Variants in ITPR1 observed in about 807,000 individuals in gnomAD.
The protein encoded by ITPR1 is inositol 1,4,5-trisphosphate receptor type 1.
ITPR1 carries 96 observed loss-of-function variants against 318.4 expected under a neutral mutation model. The ratio of observed to expected loss-of-function variants is 0.30; its 90% CI spans 0.26 to 0.36. The LOEUF (loss-of-function observed/expected upper bound fraction) is 0.36, where lower values mean the gene tolerates loss of function less well. Ranked by LOEUF, ITPR1 falls within the 10% of genes least tolerant of loss-of-function variation. The probability of loss-of-function intolerance (pLI) is 1.00; values close to 1 mark genes in which losing one functional copy is unlikely to be tolerated. For missense variants in ITPR1, 2,440 were observed against 3,460.2 expected, an observed-to-expected ratio of 0.71 and a Z score of 7.40; for synonymous variants, 1,312 against 1,289.9, an observed-to-expected ratio of 1.02 and a Z score of -0.37.
intron 61 of ITPR1, among the ~76,000 whole-genome samples, chr3:4,840,901 T>C (rs9842419): frequency 0.066 from 10,096 of 152,288 alleles, 1,028 homozygotes; most frequent in African/African-American, 0.22. Context: ...ACTGGCTTCC[T>C]ATAGGACAGC....
At chr3:4,696,917 G>C (rs1252171849) in intron 33 of ITPR1, among the ~76,000 whole-genome samples, 2 of 151,830 alleles carry the variant, frequency 1.3e-5, no homozygotes, top group Non-Finnish European at 2.9e-5. Context: ...GTGGTCAGAG[G>C]TTTTGCCTCA....
chr3:4,706,813 T>C (rs1171162994), intron 37 of ITPR1, among the ~76,000 whole-genome samples: 1 of 152,232 alleles, frequency 6.6e-6, no homozygotes, highest in Admixed American at 6.5e-5. Flanking sequence ...TTTACCTTTT[T>C]TCGTAGAATC....
At chr3:4,557,006 A>G (rs1335502534) in intron 4 of ITPR1, among the ~76,000 whole-genome samples, 1 of 152,202 alleles carries the variant, frequency 6.6e-6, no homozygotes, top group Non-Finnish European at 1.5e-5. Context: ...AACTCTTTAC[A>G]GAAAGGACAA....
intron 23 of ITPR1, among the ~76,000 whole-genome samples, chr3:4,675,935 G>A (rs1026350274): frequency 6.6e-6 from 1 of 152,146 alleles, no homozygotes; most frequent in African/African-American, 2.4e-5. Flanking sequence ...TAGATGAGGA[G>A]ACTGAGGCTT....
intron 44 of ITPR1, among the ~76,000 whole-genome samples, chr3:4,742,840 T>C (rs1332826496): frequency 6.6e-6 from 1 of 152,232 alleles, no homozygotes; most frequent in Non-Finnish European, 1.5e-5. Flanking sequence ...CTACTTCTGA[T>C]ATTTTCTATT....
intron 44 of ITPR1, among the ~76,000 whole-genome samples, chr3:4,757,510 C>A (rs967837068): frequency 6.6e-6 from 1 of 152,098 alleles, no homozygotes; most frequent in Admixed American, 6.5e-5. Context: ...AAAAGGTGTT[C>A]AGAACAGGAC....
At chr3:4,633,595 A>C (rs984376577) in intron 5 of ITPR1, among the ~76,000 whole-genome samples, 2 of 152,190 alleles carry the variant, frequency 1.3e-5, no homozygotes, top group African/African-American at 4.8e-5. Context: ...GTGGCTGGAT[A>C]CTGTCTATGC....
chr3:4,707,771 A>G (rs1472441181), intron 37 of ITPR1, among the ~76,000 whole-genome samples: 1 of 152,112 alleles, frequency 6.6e-6, no homozygotes, highest in Non-Finnish European at 1.5e-5. Flanking sequence ...TATTATTATT[A>G]TTACTATTAT....
rs2094121947 is a variant in ITPR1, at chr3:4,673,232, C to G, written c.2301C>G (p.Arg767=). 1 of 1,614,018 alleles carries G rather than the reference C, an allele frequency of 6.2e-7. No individual in the cohort carries two copies. Among genetic ancestry groups the G allele is most frequent in the Non-Finnish European group, 8.5e-7 (1 of 1,179,890 alleles). ...SGQLDVDLIL[R]CMSDENLPYD... is the part of the protein sequence containing the mutation. The stretch of plus-strand genomic sequence containing the variant: ...AGCTGGATGTCGATCTCATTCTCCG[C>G]TGCATGTCTGACGAGAACCTGCCCT... The change falls in exon 21 of 62, where the codon CGC becomes CGG. Residue 767 remains arginine (R), a synonymous_variant. Coordinates refer to ENST00000649015, the MANE Select transcript of ITPR1 (RefSeq NM_001378452.1).
intron 5 of ITPR1, among the ~76,000 whole-genome samples, chr3:4,639,035 C>T (rs1334266328): frequency 6.6e-6 from 1 of 152,154 alleles, no homozygotes; most frequent in African/African-American, 2.4e-5. Context: ...TTAAAGAGGA[C>T]TTTCACAGAT....
At chr3:4,572,995 G>A (rs962647113) in intron 4 of ITPR1, among the ~76,000 whole-genome samples, 20 of 152,132 alleles carry the variant, frequency 1.3e-4, no homozygotes, top group African/African-American at 4.6e-4. Flanking sequence ...CATTTATCAC[G>A]GGGCATCTGG....
Position 4,520,826 on chromosome 3 carries a change from T to C in ITPR1, c.93-198T>C, listed in dbSNP as rs1184458383. 5.3e-5 allele frequency among the ~76,000 whole-genome samples: 8 copies of C among 152,216 alleles called. No homozygotes were observed. The East Asian group carries it at 1.3e-3, about 26-fold the overall frequency. On this transcript the variant is annotated intron_variant, in intron 3 of 61. Transcript: ENST00000649015. ...AGAAAACAGTAGCCTTAATGTGTCC[T>C]TCACAGAACAGAACCCTGGGCTTTT...
At chr3:4,702,111 A>C (rs1011390755) in intron 35 of ITPR1, among the ~76,000 whole-genome samples, 1 of 139,888 alleles carries the variant, frequency 7.1e-6, no homozygotes, top group Non-Finnish European at 1.6e-5. Context: ...CAAAACTATA[A>C]TTTTTTAATG....
chr3:4,652,520 C>A (rs370860376), intron 11 of ITPR1, among the ~76,000 whole-genome samples: 1 of 152,146 alleles, frequency 6.6e-6, no homozygotes, highest in Non-Finnish European at 1.5e-5. Flanking sequence ...ACCCTCCCCA[C>A]GTCTTGTCTA....
At chr3:4,721,464 T>C (rs1418063352) in intron 40 of ITPR1, among the ~76,000 whole-genome samples, 1 of 152,140 alleles carries the variant, frequency 6.6e-6, no homozygotes, top group Non-Finnish European at 1.5e-5. Context: ...CTATTTTAGC[T>C]CAATTTTCTT....
At chr3:4,585,092 G>A (rs1028021417) in intron 4 of ITPR1, among the ~76,000 whole-genome samples, 1 of 152,158 alleles carries the variant, frequency 6.6e-6, no homozygotes, top group African/African-American at 2.4e-5. Context: ...TTCCCTGCCC[G>A]GGCAGTTGTG....
intron 4 of ITPR1, among the ~76,000 whole-genome samples, chr3:4,557,151 T>A (rs910141539): frequency 4.6e-5 from 7 of 152,164 alleles, no homozygotes; most frequent in African/African-American, 1.7e-4. Context: ...TACCCGAGAC[T>A]GGGTAATTTA....
At chr3:4,709,193 T>G (rs2094820016) in intron 37 of ITPR1, among the ~76,000 whole-genome samples, 1 of 152,196 alleles carries the variant, frequency 6.6e-6, no homozygotes, top group Non-Finnish European at 1.5e-5. Flanking sequence ...AAATGACCCT[T>G]TTTTGACTGT....
intron 40 of ITPR1, among the ~76,000 whole-genome samples, chr3:4,721,813 C>G (rs139954270): frequency 6.6e-6 from 1 of 152,138 alleles, no homozygotes; most frequent in Admixed American, 6.5e-5. Flanking sequence ...TTGCAGGCCG[C>G]GATCTGTGCT....
Sources: allele counts gnomAD v4.1 joint callset (sites outside exome capture counted in the v4.1 genomes callset), GRCh38; gene constraint gnomAD v4.1.1; transcripts MANE v1.5; gene names NCBI Gene and HGNC (gene_info 2026-07-23, HGNC 2026-07-21).